The following MAP2K5 variants were observed in gnomAD, a reference collection of about 807,000 sequenced individuals.
MAP2K5 encodes dual specificity mitogen-activated protein kinase kinase 5.
MAP2K5 carries 49 observed loss-of-function variants against 83.1 expected under a neutral mutation model. The ratio of observed to expected loss-of-function variants is 0.59; its 90% CI spans 0.47 to 0.75. The LOEUF (loss-of-function observed/expected upper bound fraction) is 0.75. Ranked by LOEUF, MAP2K5 falls within the 30% of genes least tolerant of loss-of-function variation. MAP2K5 has a pLI of 0.00. For synonymous variants in MAP2K5, 202 were observed against 191.8 expected (o/e 1.05, Z -0.44); for missense variants, 457 against 557.5 (o/e 0.82, Z 1.82).
intron 19 of MAP2K5, among the ~76,000 whole-genome samples, chr15:67,762,914 T>G (rs2089976497): frequency 6.6e-6 from 1 of 152,114 alleles, no homozygotes; most frequent in African/African-American, 2.4e-5. Flanking sequence ...TGAGACAAGT[T>G]AAATGAGCTG....
intron 15 of MAP2K5, among the ~76,000 whole-genome samples, chr15:67,697,681 G>T (rs537968342): frequency 6.6e-6 from 1 of 152,112 alleles, no homozygotes; most frequent in Admixed American, 6.5e-5. Flanking sequence ...TTAACTTTTC[G>T]TATTAAGAAT....
chr15:67,785,527 G>A lies in MAP2K5; in HGVS notation c.1242+12775G>A, dbSNP rs1445571046. On this transcript the variant is annotated intron_variant, in intron 21 of 21. Transcript: ENST00000178640. This position sits in a 1 kb window ranked among gnomAD's most constrained non-coding sequence, Gnocchi z 4.4. ...CAAATCCATCATACATGCAAACAAAGTAGTCAGGTCACACAAACAGGAAGC... is the reference window on the plus strand; with the variant it reads ...CAAATCCATCATACATGCAAACAAAATAGTCAGGTCACACAAACAGGAAGC... 6.6e-6 allele frequency among the ~76,000 whole-genome samples: 1 copy of A among 152,142 alleles called. No homozygotes were observed. The highest frequency in any genetic ancestry group is 6.5e-5 in the Admixed American group (1 of 15,280).
At chr15:67,756,909 G>A (rs564958297) in intron 19 of MAP2K5, among the ~76,000 whole-genome samples, 5 of 152,164 alleles carry the variant, frequency 3.3e-5, no homozygotes, top group Admixed American at 2.0e-4. Flanking sequence ...CCATTTTGGT[G>A]TGTGTATCGA....
intron 12 of MAP2K5, among the ~76,000 whole-genome samples, chr15:67,661,570 T>C (rs1357610121): frequency 6.6e-6 from 1 of 152,180 alleles, no homozygotes; most frequent in East Asian, 1.9e-4. Flanking sequence ...AAGGAAAATG[T>C]AGTGTATTTT....
chr15:67,621,691 G>T (rs980677992), intron 8 of MAP2K5, among the ~76,000 whole-genome samples: 2 of 152,056 alleles, frequency 1.3e-5, no homozygotes, highest in African/African-American at 2.4e-5. Context: ...TAATGAAATT[G>T]TCTTAAAAAT....
At chr15:67,669,766 T>C (rs1450279762) in intron 13 of MAP2K5, among the ~76,000 whole-genome samples, 1 of 134,598 alleles carries the variant, frequency 7.4e-6, no homozygotes, top group Non-Finnish European at 1.6e-5. Context: ...TACTTCTTGC[T>C]ACTTTCTTTC....
At chr15:67,545,576 T>C (rs1014378664) in intron 1 of MAP2K5, among the ~76,000 whole-genome samples, 2 of 152,252 alleles carry the variant, frequency 1.3e-5, no homozygotes, top group African/African-American at 4.8e-5. Context: ...ATGGGTTTTC[T>C]CTTACTCATT....
At chr15:67,624,575 A>G (rs1432547910) in intron 8 of MAP2K5, among the ~76,000 whole-genome samples, 1 of 151,184 alleles carries the variant, frequency 6.6e-6, no homozygotes, top group Non-Finnish European at 1.5e-5. Context: ...AAAAAATTAA[A>G]CATCACGATC....
rs1447160717 is a variant in MAP2K5, at chr15:67,801,446, C to G, written c.1243-5200C>G. On this transcript the variant is annotated intron_variant, in intron 21 of 21. Transcript: ENST00000178640. This position sits in a 1 kb window ranked among gnomAD's most constrained non-coding sequence, Gnocchi z 4.8. ...GGAGAGGATGTGCTTGGTGCTCACCCTGAGGCAGAGCAGTCCTGTGGTCCA... is the reference window on the plus strand; with the variant it reads ...GGAGAGGATGTGCTTGGTGCTCACCGTGAGGCAGAGCAGTCCTGTGGTCCA... Among the ~76,000 whole-genome samples the G allele has an allele frequency of 6.6e-6, 1 of 152,208 alleles. No individual in the cohort carries two copies. The highest frequency in any genetic ancestry group is 1.5e-5 in the Non-Finnish European group (1 of 68,044).
intron 16 of MAP2K5, among the ~76,000 whole-genome samples, chr15:67,705,239 C>T (rs750608553): frequency 1.7e-4 from 26 of 152,166 alleles, no homozygotes; most frequent in Non-Finnish European, 3.2e-4. Context: ...ATCCTTTCTA[C>T]ATTCATTTAT....
intron 7 of MAP2K5, among the ~76,000 whole-genome samples, chr15:67,598,553 G>C (rs191306443): frequency 1.5e-3 from 233 of 152,310 alleles, no homozygotes; most frequent in African/African-American, 5.4e-3. Flanking sequence ...TGCCCTGACA[G>C]TGTTGGATGC....
chr15:67,653,840 A>G (rs562224535), intron 11 of MAP2K5, among the ~76,000 whole-genome samples: 2 of 152,212 alleles, frequency 1.3e-5, no homozygotes. Flanking sequence ...GCACGGCTTT[A>G]GTTGCATCCT....
chr15:67,676,557 CT>C lies in MAP2K5; in HGVS notation c.847+11916del. On this transcript the variant is annotated intron_variant, in intron 13 of 21. Transcript: ENST00000178640. The surrounding 1 kb of genome is among the most constrained non-coding windows in gnomAD (Gnocchi z 4.8). ...CAGCACCATGGAAATCAAATCTACT[CT>C]TTTGCTGGTGGAAGATTAAGTTCCT... Among the ~76,000 whole-genome samples the C allele has an allele frequency of 6.6e-6, 1 of 152,240 alleles. No individual in the cohort carries two copies. Among genetic ancestry groups the C allele is most frequent in the East Asian group, 1.9e-4 (1 of 5,180 alleles).
At position 67,572,235 on chromosome 15, in the gene MAP2K5, A is replaced by G. The variant is rs941900345; in HGVS notation, c.253-8519A>G. On this transcript the variant is annotated intron_variant, in intron 3 of 21. Coordinates refer to ENST00000178640, the MANE Select transcript of MAP2K5 (RefSeq NM_145160.3). This position sits in a 1 kb window ranked among gnomAD's most constrained non-coding sequence, Gnocchi z 4.2. ...AGGAGCTGCCTGTGATTCAGTCTGT[A>G]TGGACAGTGACGGGGGAGAGGGTGG... is the stretch of plus-strand genomic sequence containing the variant. 6.6e-6 allele frequency among the ~76,000 whole-genome samples: 1 copy of G among 152,140 alleles called. No homozygotes were observed. The highest frequency in any genetic ancestry group is 2.4e-5 in the African/African-American group (1 of 41,444).
intron 6 of MAP2K5, among the ~76,000 whole-genome samples, chr15:67,589,087 T>A (rs2085345498): frequency 6.6e-6 from 1 of 152,142 alleles, no homozygotes; most frequent in Non-Finnish European, 1.5e-5. Context: ...CAAGCAATTT[T>A]CTCACTTTGG....
chr15:67,610,422 C>T (rs926611034), intron 8 of MAP2K5, among the ~76,000 whole-genome samples: 12 of 152,008 alleles, frequency 7.9e-5, no homozygotes, highest in East Asian at 3.9e-4. Flanking sequence ...TTATAAGACA[C>T]GTTTCTTTTT....
intron 9 of MAP2K5, among the ~76,000 whole-genome samples, chr15:67,643,864 T>C (rs957128718): frequency 2.6e-5 from 4 of 152,230 alleles, no homozygotes; most frequent in Admixed American, 1.3e-4. Flanking sequence ...TCCTTTTCTT[T>C]CCTTGCTCTA....
rs1162263461 is a variant in MAP2K5 at position 67,750,676 on chromosome 15, A to G, written c.1134+2075A>G. ...TCTGCACATTATAAGTTTGAAAACC[A>G]CTTCTCAAACTTCCCTAACTGCTTG... On this transcript the variant is annotated intron_variant, in intron 19 of 21. Coordinates refer to ENST00000178640, the MANE Select transcript of MAP2K5 (RefSeq NM_145160.3). The surrounding 1 kb of genome is among the most constrained non-coding windows in gnomAD (Gnocchi z 4.2). 6.6e-6 allele frequency among the ~76,000 whole-genome samples: 1 copy of G among 152,166 alleles called. No homozygotes were observed. The highest frequency in any genetic ancestry group is 6.5e-5 in the Admixed American group (1 of 15,280).
chr15:67,701,617 A>G (rs2088420055), intron 15 of MAP2K5, among the ~76,000 whole-genome samples: 1 of 152,212 alleles, frequency 6.6e-6, no homozygotes. Flanking sequence ...GTAAAAGGTC[A>G]TTGTCTCTCC....
Sources: gnomAD v4.1 joint callset for allele counts (sites outside exome capture counted in the v4.1 genomes callset) on GRCh38, gnomAD v4.1.1 for gene constraint, Gnocchi (gnomAD v3.1) non-coding constraint, MANE v1.5 for transcripts, NCBI Gene and HGNC (gene_info 2026-07-23, HGNC 2026-07-21) for gene names.